Variants in SLC26A4 observed in about 807,000 individuals in gnomAD.
SLC26A4 encodes pendrin.
In SLC26A4, 93 loss-of-function variants were observed where a neutral mutation model predicts 90.4. The ratio of observed to expected loss-of-function variants is 1.03; its 90% CI spans 0.87 to 1.22. The LOEUF (loss-of-function observed/expected upper bound fraction) is 1.22. Among genes scored for constraint, SLC26A4 ranks in the 50% most tolerant of loss-of-function variants. The probability of loss-of-function intolerance (pLI) is 0.00; values close to 1 mark genes in which losing one functional copy is unlikely to be tolerated. For synonymous variants in SLC26A4, 393 were observed against 354.6 expected (o/e 1.11, Z -1.22); for missense variants, 1,127 against 946.2 (o/e 1.19, Z -2.51).
chr7:107,713,278 T>C (rs996578227), intron 20 of SLC26A4, among the ~76,000 whole-genome samples: 1 of 152,248 alleles, frequency 6.6e-6, no homozygotes, highest in African/African-American at 2.4e-5. Flanking sequence ...TACACCATCC[T>C]TGATGAATGT....
At chr7:107,683,652 T>C in intron 8 of SLC26A4, 115 bp downstream of exon 8, 1 of 799,788 alleles carries the variant, frequency 1.3e-6, no homozygotes, top group Admixed American at 2.3e-5. Context: ...TCAATAGTCC[T>C]ATTTGTGTGT....
At chr7:107,664,520 C>T (rs1004143716) in intron 3 of SLC26A4, among the ~76,000 whole-genome samples, 1 of 151,544 alleles carries the variant, frequency 6.6e-6, no homozygotes, top group Admixed American at 6.6e-5. Context: ...GCATGAGCCA[C>T]CATGCCCAGC....
Position 107,701,263 on chromosome 7 carries a change from C to G in SLC26A4, c.1803+67C>G, listed in dbSNP as rs907343146. The G allele has an allele frequency of 3.6e-5, 35 of 982,504 alleles. No homozygotes were observed. In the Admixed American group the frequency reaches 3.6e-4, roughly 10 times the overall value. 60.9% of individuals were successfully genotyped at this position (982,504 alleles called of 1,614,324 possible). On this transcript the variant is annotated intron_variant, in intron 16 of 20. Coordinates refer to ENST00000644269, the MANE Select transcript of SLC26A4 (RefSeq NM_000441.2). Reference sequence around the variant, plus strand: ...TCCCTGATGAGAGCAGTTAGAGGGTCTAAAATTAAATCTATCCTCTTTAGT... The same window carrying G: ...TCCCTGATGAGAGCAGTTAGAGGGTGTAAAATTAAATCTATCCTCTTTAGT...
At chr7:107,684,040 A>G (rs1791329019) in intron 8 of SLC26A4, among the ~76,000 whole-genome samples, 1 of 152,204 alleles carries the variant, frequency 6.6e-6, no homozygotes, top group Non-Finnish European at 1.5e-5. Flanking sequence ...GAAGAGTAAA[A>G]GATCAAGGTC....
chr7:107,711,862 C>G (rs1201139151), intron 19 of SLC26A4, among the ~76,000 whole-genome samples: 2 of 152,210 alleles, frequency 1.3e-5, no homozygotes, highest in Non-Finnish European at 2.9e-5. Context: ...AATTCATTCT[C>G]ATACTAGCTA....
At chr7:107,672,351 G>C (rs903093179) in intron 4 of SLC26A4, 103 bp downstream of exon 4, 2 of 400,050 alleles carry the variant, frequency 5.0e-6, no homozygotes, top group Non-Finnish European at 4.6e-6. Context: ...AAGTAATTGC[G>C]GTTTTCACAA....
At chr7:107,692,102 C>T (rs1026331077) in intron 10 of SLC26A4, 1 of 1,287,752 alleles carries the variant, frequency 7.8e-7, no homozygotes, top group African/African-American at 1.5e-5. Flanking sequence ...GTAAAGTGAC[C>T]TCCTTGGCAC....
intron 10 of SLC26A4, chr7:107,693,803 T>C (rs1053044756): frequency 1.4e-5 from 10 of 732,408 alleles, no homozygotes; most frequent in African/African-American, 5.7e-5. Context: ...TCCGTGGAAC[T>C]GTCAGAGGAG....
intron 10 of SLC26A4, among the ~76,000 whole-genome samples, chr7:107,690,595 G>C (rs559297912): frequency 6.3e-4 from 96 of 152,224 alleles, no homozygotes; most frequent in African/African-American, 2.2e-3. Flanking sequence ...GCGCTTCCTG[G>C]CTTTAGGAGC....
chr7:107,697,879 C>T (rs1791783153), intron 13 of SLC26A4, among the ~76,000 whole-genome samples, 163 bp from the exon 14 acceptor site: 1 of 152,196 alleles, frequency 6.6e-6, no homozygotes, highest in Non-Finnish European at 1.5e-5. Context: ...CACACAAACA[C>T]CAGCTGTTCA....
chr7:107,677,651 G>T (rs1227441488), intron 6 of SLC26A4, among the ~76,000 whole-genome samples: 1 of 151,232 alleles, frequency 6.6e-6, no homozygotes, highest in Admixed American at 6.6e-5. Flanking sequence ...CATTGCCTGG[G>T]CTGGAGTACA....
intron 10 of SLC26A4, among the ~76,000 whole-genome samples, chr7:107,692,512 G>C (rs1221471153): frequency 1.3e-5 from 2 of 152,172 alleles, no homozygotes; most frequent in Non-Finnish European, 2.9e-5. Flanking sequence ...CTTTAGGCAA[G>C]AATAGCATCT....
At chr7:107,681,219 A>C (rs1377063672) in intron 6 of SLC26A4, among the ~76,000 whole-genome samples, 1 of 152,190 alleles carries the variant, frequency 6.6e-6, no homozygotes, top group Non-Finnish European at 1.5e-5. Flanking sequence ...GTACCCTCTG[A>C]GTGAAAGTTC....
In SLC26A4 at chr7:107,661,946, C is replaced by A; in HGVS notation, c.164+141C>A. 1.1e-6 allele frequency: 1 copy of A among 933,044 alleles called. No homozygotes were observed. The highest frequency in any genetic ancestry group is 1.6e-6 in the Non-Finnish European group (1 of 640,216). 57.8% of individuals were successfully genotyped at this position (933,044 alleles called of 1,614,324 possible). Reference sequence around the variant, plus strand: ...CCAGCTGCTTCTCCCAGAGGCCCGACTTTCGGTCTCCGGTCCTCCACGCCG... The same window carrying A: ...CCAGCTGCTTCTCCCAGAGGCCCGAATTTCGGTCTCCGGTCCTCCACGCCG... On this transcript the variant is annotated intron_variant, in intron 2 of 20. Transcript: ENST00000644269. The surrounding 1 kb of genome is among the most constrained non-coding windows in gnomAD (Gnocchi z 5.1).
In SLC26A4 at chr7:107,716,995, C is replaced by T. The variant is rs1365454772; in HGVS notation, c.*1549C>T. On this transcript the variant is annotated 3_prime_UTR_variant, in exon 21 of 21. Transcript: ENST00000644269. ...GGTTGTAAATCTGGTTACAGCATAA[C>T]TAGGATTATAATGCTGCCTCATTTT... 1 of 152,138 alleles carries T rather than the reference C, an allele frequency of 6.6e-6. No individual in the cohort carries two copies. The highest frequency in any genetic ancestry group is 1.5e-5 in the Non-Finnish European group (1 of 68,024). The allele number at this position is 152,138 out of a possible 1,614,324, so 9.4% of individuals were successfully genotyped here.
chr7:107,683,813 C>T (rs994490672), intron 8 of SLC26A4, among the ~76,000 whole-genome samples: 2 of 152,086 alleles, frequency 1.3e-5, no homozygotes, highest in African/African-American at 4.8e-5. Flanking sequence ...CTGATTTAAA[C>T]TTATACATAA....
At chr7:107,677,288 C>T (rs950471769) in intron 6 of SLC26A4, among the ~76,000 whole-genome samples, 1 of 152,164 alleles carries the variant, frequency 6.6e-6, no homozygotes, top group Admixed American at 6.5e-5. Flanking sequence ...ACCCACTACC[C>T]ATGATGTTTA....
intron 6 of SLC26A4, among the ~76,000 whole-genome samples, chr7:107,676,930 T>C (rs1021033643): frequency 1.3e-5 from 2 of 152,110 alleles, no homozygotes; most frequent in African/African-American, 4.8e-5. Context: ...TCCCAGCAGT[T>C]TGGGAGACTG....
chr7:107,680,144 CTTATCTTATTATATAATATAAT>C (rs1791172929), intron 6 of SLC26A4, among the ~76,000 whole-genome samples: 1 of 116,890 alleles, frequency 8.6e-6, no homozygotes, highest in Non-Finnish European at 1.6e-5. Flanking sequence ...ATAATATAAT[CTTATCTTATTATATAATATAAT>C]CTTATCTTAT....
Sources: gnomAD v4.1 joint callset for allele counts (sites outside exome capture counted in the v4.1 genomes callset) on GRCh38, gnomAD v4.1.1 for gene constraint, Gnocchi (gnomAD v3.1) non-coding constraint, MANE v1.5 for transcripts, NCBI Gene and HGNC (gene_info 2026-07-23, HGNC 2026-07-21) for gene names.